The following LPP variants were observed in gnomAD, a reference collection of about 807,000 sequenced individuals.
The protein encoded by LPP is lipoma-preferred partner.
A neutral mutation model predicts 60.4 loss-of-function variants in LPP; 38 were observed. The ratio of observed to expected loss-of-function variants is 0.63; its 90% CI spans 0.49 to 0.83. The LOEUF (loss-of-function observed/expected upper bound fraction) is 0.83. Ranked by LOEUF, LPP falls within the 40% of genes least tolerant of loss-of-function variation. The pLI is 0.00. For missense variants in LPP, 902 were observed against 783.6 expected (o/e 1.15, Z -1.80); for synonymous variants, 328 against 290.8 (o/e 1.13, Z -1.30).
At chr3:188,746,271 T>C (rs1726166163) in intron 8 of LPP, among the ~76,000 whole-genome samples, 1 of 152,140 alleles carries the variant, frequency 6.6e-6, no homozygotes, top group African/African-American at 2.4e-5. Flanking sequence ...TTTGTACCAT[T>C]CTCTCTCTAA....
chr3:188,669,492 T>C (rs374726553), intron 7 of LPP, among the ~76,000 whole-genome samples: 12 of 151,950 alleles, frequency 7.9e-5, no homozygotes, highest in Non-Finnish European at 1.2e-4. Flanking sequence ...AGGAGAATGG[T>C]GTGAACCTGG....
rs1483494786 is a variant in LPP, at chr3:188,452,464, G to A, written c.194-32128G>A. ...CTCATTCGATATTGTCAGCTAAGAT[G>A]CTTCACAATTCCTTAAGAATTTATT... is the stretch of plus-strand genomic sequence containing the variant. On this transcript the variant is annotated intron_variant, in intron 4 of 11. Transcript: ENST00000617246. Among the ~76,000 whole-genome samples, 11 of 152,238 alleles carry A rather than the reference G, an allele frequency of 7.2e-5. 1 individual carries two copies. The South Asian group carries it at 1.0e-3, about 14-fold the overall frequency.
intron 2 of LPP, among the ~76,000 whole-genome samples, chr3:188,331,137 A>G (rs1759951654): frequency 6.6e-6 from 1 of 152,070 alleles, no homozygotes; most frequent in Non-Finnish European, 1.5e-5. Flanking sequence ...GGATGGTGCT[A>G]TCTCATGCTT....
At chr3:188,647,699 A>G (rs1851368403) in intron 7 of LPP, among the ~76,000 whole-genome samples, 1 of 152,230 alleles carries the variant, frequency 6.6e-6, no homozygotes, top group Admixed American at 6.5e-5. Context: ...AAGAGAGAGC[A>G]TCTGAGCACC....
intron 4 of LPP, among the ~76,000 whole-genome samples, chr3:188,427,455 C>T (rs1259116457): frequency 6.6e-6 from 1 of 152,082 alleles, no homozygotes; most frequent in Non-Finnish European, 1.5e-5. Flanking sequence ...ACATTTTTTC[C>T]TTCATTTCAA....
At chr3:188,324,695 T>C (rs1757903467) in intron 2 of LPP, among the ~76,000 whole-genome samples, 1 of 152,230 alleles carries the variant, frequency 6.6e-6, no homozygotes. Context: ...CTTCTACTTT[T>C]ATGGTTTCCC....
At chr3:188,607,370 GAT>G (rs10527365) in intron 6 of LPP, among the ~76,000 whole-genome samples, 1,113 of 101,970 alleles carry the variant, frequency 0.011, 8 homozygotes, top group African/African-American at 0.014. Context: ...GAAAATAGAA[GAT>G]ATATATATAT....
At chr3:188,807,109 G>A (rs1749386211) in intron 9 of LPP, among the ~76,000 whole-genome samples, 1 of 110,332 alleles carries the variant, frequency 9.1e-6, no homozygotes, top group Non-Finnish European at 1.8e-5. Context: ...TTTTTACCAA[G>A]TAGAGAATTG....
In LPP at chr3:188,883,849, T is replaced by C. The variant is rs145975067; in HGVS notation, c.*9370T>C. The C allele has an allele frequency of 2.2e-3, 482 of 222,144 alleles. 4 individuals are homozygous for C. Among genetic ancestry groups the C allele is most frequent in the South Asian group, 4.6e-3 (25 of 5,436 alleles). 13.8% of individuals were successfully genotyped at this position (222,144 alleles called of 1,614,324 possible). A position where few individuals can be genotyped will look rare whatever the true frequency, so the allele number is the denominator to read the frequency against. The stretch of plus-strand genomic sequence containing the variant: ...TTGCCGAAAACTCATTATTTCTAGT[T>C]AGTTCATCTGTGGAAAAGGATATCG... On this transcript the variant is annotated 3_prime_UTR_variant, in exon 12 of 12. Coordinates refer to ENST00000617246, the MANE Select transcript of LPP (RefSeq NM_001375462.1).
chr3:188,625,780 G>T (rs1846724018), intron 7 of LPP, among the ~76,000 whole-genome samples: 1 of 152,116 alleles, frequency 6.6e-6, no homozygotes, highest in Non-Finnish European at 1.5e-5. Context: ...TTCCATCCAA[G>T]AAGTGTCTGC....
At chr3:188,651,746 G>A (rs962820032) in intron 7 of LPP, among the ~76,000 whole-genome samples, 1 of 152,076 alleles carries the variant, frequency 6.6e-6, no homozygotes, top group African/African-American at 2.4e-5. Flanking sequence ...AGAACAGCAC[G>A]GGAAAGGCCT....
At chr3:188,302,377 T>C (rs1452804355) in intron 2 of LPP, among the ~76,000 whole-genome samples, 2 of 152,180 alleles carry the variant, frequency 1.3e-5, no homozygotes, top group Non-Finnish European at 2.9e-5. Context: ...ATATATCAGT[T>C]CTCCACTTTA....
intron 6 of LPP, among the ~76,000 whole-genome samples, chr3:188,567,284 A>G (rs565913203): frequency 6.6e-6 from 1 of 151,988 alleles, no homozygotes; most frequent in South Asian, 2.1e-4. Flanking sequence ...CAACTTCCAC[A>G]TCATTAAAAT....
intron 5 of LPP, among the ~76,000 whole-genome samples, chr3:188,516,887 C>T (rs1376797285): frequency 1.3e-5 from 2 of 152,078 alleles, no homozygotes; most frequent in Non-Finnish European, 2.9e-5. Context: ...TTGAAAAACA[C>T]TGATCTAGGA....
At chr3:188,203,764 A>T (rs1732366134) in intron 1 of LPP, among the ~76,000 whole-genome samples, 1 of 150,726 alleles carries the variant, frequency 6.6e-6, no homozygotes, top group Non-Finnish European at 1.5e-5. Context: ...TACAGGCATG[A>T]GCCCCTGGCC....
rs140321189 is a variant in LPP, at chr3:188,707,764, T to A, written c.1114-503T>A. Among the ~76,000 whole-genome samples the A allele has an allele frequency of 9.2e-5, 14 of 152,274 alleles. No individual in the cohort carries two copies. In the East Asian group the frequency reaches 2.7e-3, roughly 29 times the overall value. On this transcript the variant is annotated intron_variant, in intron 7 of 11. Coordinates refer to ENST00000617246, the MANE Select transcript of LPP (RefSeq NM_001375462.1). ...TGAGTGTGAGAAACTTCTACCTGTA[T>A]GTTTTCTCCCTTTTAGCTGAATAAG...
rs1577057589 is a variant in LPP at position 188,163,155 on chromosome 3, G to A, written c.-190+8903G>A. Among the ~76,000 whole-genome samples, 4 of 152,248 alleles carry A rather than the reference G, an allele frequency of 2.6e-5. 1 individual carries two copies. The South Asian group carries it at 8.3e-4, about 32-fold the overall frequency. On this transcript the variant is annotated intron_variant, in intron 1 of 11. Transcript: ENST00000617246. The stretch of plus-strand genomic sequence containing the variant: ...ACTGTTTGTATCTGTTACCCGTGGA[G>A]GGTCTGCTTCTACTGTTGTAATTGC...
intron 1 of LPP, among the ~76,000 whole-genome samples, chr3:188,174,764 C>T (rs1045826614): frequency 7.2e-5 from 11 of 152,162 alleles, no homozygotes; most frequent in Admixed American, 3.9e-4. Context: ...CTGTTTGAAT[C>T]CAATTGATCT....
At chr3:188,854,227 T>G (rs1391772771) in intron 9 of LPP, among the ~76,000 whole-genome samples, 1 of 152,204 alleles carries the variant, frequency 6.6e-6, no homozygotes, top group Admixed American at 6.5e-5. Context: ...TGGCTGTGCG[T>G]TTCATACCTA....
Sources: gnomAD v4.1 joint callset for allele counts (sites outside exome capture counted in the v4.1 genomes callset) on GRCh38, gnomAD v4.1.1 for gene constraint, MANE v1.5 for transcripts, NCBI Gene and HGNC (gene_info 2026-07-23, HGNC 2026-07-21) for gene names.